Variants in NECAB1 observed in about 807,000 individuals in gnomAD.
NECAB1 encodes N-terminal EF-hand calcium binding protein 1, also known as N-terminal EF-hand calcium-binding protein 1.
Under a neutral mutation model 57.5 loss-of-function variants are expected in NECAB1, and 29 were observed. That is an observed-to-expected ratio of 0.50 (90% CI 0.38 to 0.69). The LOEUF is 0.69. Among genes scored for constraint, NECAB1 ranks in the 30% least tolerant of loss-of-function variants. The probability of loss-of-function intolerance (pLI) is 0.00; values close to 1 mark genes in which losing one functional copy is unlikely to be tolerated. For synonymous variants in NECAB1, 142 were observed against 147.7 expected (o/e 0.96, Z 0.28); for missense variants, 372 against 413.8 (o/e 0.90, Z 0.88).
chr8:90,864,816 A>C (rs1376741441), intron 3 of NECAB1, among the ~76,000 whole-genome samples: 1 of 152,096 alleles, frequency 6.6e-6, no homozygotes, highest in East Asian at 1.9e-4. Flanking sequence ...ATCTTACCTT[A>C]GCCACTTCAG....
rs1292854340 is a variant in NECAB1, at chr8:90,940,850, C to T, written c.812C>T (p.Ala271Val). 1.9e-6 allele frequency: 3 copies of T among 1,563,396 alleles called. No homozygotes were observed. The highest frequency in any genetic ancestry group is 2.6e-6 in the Non-Finnish European group (3 of 1,153,470). ...IEEDLEEFQL[A>V]LKHYVESASS... ...GAGGACCTGGAAGAATTCCAGCTCG[C>T]TCTGAAACACTACGTGGAGAGTGCT... The change falls in exon 10 of 13, where the codon GCT becomes GTT. Residue 271 changes from alanine to valine, a missense_variant. Coordinates refer to ENST00000417640, the MANE Select transcript of NECAB1 (RefSeq NM_022351.5).
At chr8:90,855,703 C>A (rs900001200) in intron 3 of NECAB1, among the ~76,000 whole-genome samples, 24 of 152,136 alleles carry the variant, frequency 1.6e-4, no homozygotes, top group African/African-American at 5.8e-4. Context: ...GCTCACAATA[C>A]CATGACTGTT....
At chr8:90,836,321 TA>T (rs1479107600) in intron 3 of NECAB1, among the ~76,000 whole-genome samples, 4 of 152,144 alleles carry the variant, frequency 2.6e-5, no homozygotes, top group African/African-American at 9.7e-5. Context: ...CTGGGAAAAA[TA>T]GACTAAATAG....
intron 2 of NECAB1, among the ~76,000 whole-genome samples, chr8:90,817,414 A>T (rs184914878): frequency 2.6e-5 from 4 of 151,822 alleles, no homozygotes; most frequent in Non-Finnish European, 5.9e-5. Context: ...AAGGAAAAAA[A>T]CATCTGCTTT....
Position 90,824,669 on chromosome 8 carries a change from A to G in NECAB1, c.125-48A>G, listed in dbSNP as rs1327333826. 9 of 1,240,030 alleles carry G rather than the reference A, an allele frequency of 7.3e-6. No individual in the cohort carries two copies. In the Admixed American group the frequency reaches 2.0e-4, roughly 27 times the overall value. The allele number at this position is 1,240,030 out of a possible 1,614,324, so 76.8% of individuals were successfully genotyped here. On this transcript the variant is annotated intron_variant, in intron 2 of 12. Coordinates refer to ENST00000417640, the MANE Select transcript of NECAB1 (RefSeq NM_022351.5). ...AGTTTTATAAAGCAAAAACAGAACAATGTACAAAATTAAAATAATTTGTGT... is the reference window on the plus strand; with the variant it reads ...AGTTTTATAAAGCAAAAACAGAACAGTGTACAAAATTAAAATAATTTGTGT...
At chr8:90,848,661 C>A (rs113257653) in intron 3 of NECAB1, among the ~76,000 whole-genome samples, 2 of 152,184 alleles carry the variant, frequency 1.3e-5, no homozygotes, top group African/African-American at 2.4e-5. Context: ...GCAGGCAAGA[C>A]AGCTTGTGCA....
chr8:90,881,332 C>A (rs143335690), intron 5 of NECAB1, among the ~76,000 whole-genome samples: 4 of 152,190 alleles, frequency 2.6e-5, no homozygotes, highest in Non-Finnish European at 4.4e-5. Context: ...GTTGAGGATA[C>A]AAAGATACAA....
chr8:90,917,976 G>GTA lies in NECAB1; in HGVS notation c.494+357_494+358dup, dbSNP rs1226139627. Among the ~76,000 whole-genome samples, 65 of 81,870 alleles carry GTA rather than the reference G, an allele frequency of 7.9e-4. 1 individual carries two copies. The highest frequency in any genetic ancestry group is 1.1e-4 in the Non-Finnish European group (5 of 44,580). 53.7% of individuals were successfully genotyped at this position (81,870 alleles called of 152,430 possible). On this transcript the variant is annotated intron_variant, in intron 6 of 12. Coordinates refer to ENST00000417640, the MANE Select transcript of NECAB1 (RefSeq NM_022351.5). ...TACACACACACATATGTGTGTGTGT[G>GTA]TATATATATACATATATGTGTGTGT...
intron 4 of NECAB1, among the ~76,000 whole-genome samples, chr8:90,875,221 C>T (rs1808694719): frequency 6.6e-6 from 1 of 151,990 alleles, no homozygotes; most frequent in African/African-American, 2.4e-5. Context: ...GTGGCTCACG[C>T]CTGTAATCCC....
At chr8:90,904,570 G>A (rs1194545370) in intron 5 of NECAB1, among the ~76,000 whole-genome samples, 2 of 151,964 alleles carry the variant, frequency 1.3e-5, no homozygotes, top group African/African-American at 4.8e-5. Context: ...CACAGAGAAT[G>A]TGACTTAGAG....
intron 5 of NECAB1, among the ~76,000 whole-genome samples, chr8:90,912,113 C>T (rs776683032): frequency 2.6e-5 from 4 of 152,152 alleles, no homozygotes; most frequent in Non-Finnish European, 5.9e-5. Flanking sequence ...CCTGGGTCCT[C>T]ATCTAGTAGT....
Position 90,878,385 on chromosome 8 carries a change from A to G in NECAB1, c.260-2648A>G, listed in dbSNP as rs75814317. Among the ~76,000 whole-genome samples the G allele has an allele frequency of 1.6e-4, 25 of 152,232 alleles. No homozygotes were observed. In the East Asian group the frequency reaches 4.8e-3, roughly 29 times the overall value. ...AGTAAGTGAACACTCGCTATGATGA[A>G]GTGGAGGGGAGTTATCTCTCTTTAT... On this transcript the variant is annotated intron_variant, in intron 4 of 12. Transcript: ENST00000417640.
At chr8:90,806,306 C>G (rs1016143709) in intron 2 of NECAB1, among the ~76,000 whole-genome samples, 1 of 152,134 alleles carries the variant, frequency 6.6e-6, no homozygotes, top group Non-Finnish European at 1.5e-5. Context: ...TTTGTGAGAG[C>G]AGAGATGGTG....
intron 8 of NECAB1, among the ~76,000 whole-genome samples, chr8:90,931,842 G>A (rs574791233): frequency 1.4e-4 from 21 of 151,924 alleles, no homozygotes; most frequent in Middle Eastern, 6.8e-3. Flanking sequence ...AGGGAGAGGT[G>A]GCAGTGAGCC....
intron 5 of NECAB1, among the ~76,000 whole-genome samples, chr8:90,907,836 A>G (rs1455268699): frequency 6.6e-6 from 1 of 152,198 alleles, no homozygotes; most frequent in East Asian, 1.9e-4. Context: ...AAAAATTACC[A>G]GAATATTTTG....
At chr8:90,843,185 G>A (rs1812484714) in intron 3 of NECAB1, among the ~76,000 whole-genome samples, 1 of 152,064 alleles carries the variant, frequency 6.6e-6, no homozygotes, top group African/African-American at 2.4e-5. Context: ...ACAGGAAGGG[G>A]AAAAACCCAC....
chr8:90,942,949 A>G (rs1047853146), intron 10 of NECAB1, among the ~76,000 whole-genome samples: 3 of 152,288 alleles, frequency 2.0e-5, no homozygotes, highest in South Asian at 4.1e-4. Flanking sequence ...CCCAAAATAG[A>G]GCTCAGTAAA....
intron 5 of NECAB1, among the ~76,000 whole-genome samples, chr8:90,903,203 A>G (rs1809550483): frequency 6.6e-6 from 1 of 152,210 alleles, no homozygotes; most frequent in South Asian, 2.1e-4. Flanking sequence ...TAAGCATACA[A>G]TTAAATATTT....
rs1205454251 is a variant in NECAB1, at chr8:90,957,683, A to G, written c.*2171A>G. The G allele has an allele frequency of 6.7e-6, 1 of 150,360 alleles. No individual in the cohort carries two copies. The highest frequency in any genetic ancestry group is 1.5e-5 in the Non-Finnish European group (1 of 67,368). 9.3% of individuals were successfully genotyped at this position (150,360 alleles called of 1,614,324 possible). A position where few individuals can be genotyped will look rare whatever the true frequency, so the allele number is the denominator to read the frequency against. On this transcript the variant is annotated 3_prime_UTR_variant, in exon 13 of 13. Transcript: ENST00000417640. ...GGAAACTAGTAGGGCCAAAAAAAAA[A>G]AGAAAAAGAAAAAGAAAAAAGAAAA... is the stretch of plus-strand genomic sequence containing the variant.
Sources: allele counts gnomAD v4.1 joint callset (sites outside exome capture counted in the v4.1 genomes callset), GRCh38; gene constraint gnomAD v4.1.1; transcripts MANE v1.5; gene names NCBI Gene and HGNC (gene_info 2026-07-23, HGNC 2026-07-21).